The following NRXN3 variants were observed in gnomAD, a reference collection of about 807,000 sequenced individuals.
NRXN3 encodes neurexin 3.
In NRXN3, 32 loss-of-function variants were observed where a neutral mutation model predicts 137.6. The ratio of observed to expected loss-of-function variants is 0.23; its 90% confidence interval spans 0.18 to 0.31. The LOEUF (loss-of-function observed/expected upper bound fraction) is 0.31. Ranked by LOEUF, NRXN3 falls within the 10% of genes least tolerant of loss-of-function variation. The probability of loss-of-function intolerance (pLI) is 1.00; values close to 1 mark genes in which losing one functional copy is unlikely to be tolerated. For synonymous variants in NRXN3, 798 were observed against 784.5 expected (o/e 1.02, Z -0.29); for missense variants, 1,574 against 2,062.5 (o/e 0.76, Z 4.59).
At chr14:79,498,759 AGCTGGTATGTTT>A (rs1445784483) in intron 16 of NRXN3, among the ~76,000 whole-genome samples, 1 of 152,184 alleles carries the variant, frequency 6.6e-6, no homozygotes, top group Non-Finnish European at 1.5e-5. Context: ...AGCACTTTCC[AGCTGGTATGTTT>A]GTTTCCAATC....
intron 10 of NRXN3, among the ~76,000 whole-genome samples, chr14:78,825,282 A>G (rs946865706): frequency 1.3e-5 from 2 of 152,120 alleles, no homozygotes; most frequent in African/African-American, 4.8e-5. Context: ...GTAAGCTTCA[A>G]AAATGATCCT....
rs1432140359 is a variant in NRXN3 at position 78,510,090 on chromosome 14, A to T, written c.758-135030A>T. The stretch of plus-strand genomic sequence containing the variant: ...CAATGCCTAGATGAGTATTAGTAAC[A>T]TACTAGTTGCAAGGGTAGCTTTAGA... On this transcript the variant is annotated intron_variant, in intron 4 of 20. Transcript: ENST00000335750. Among the ~76,000 whole-genome samples the T allele has an allele frequency of 1.3e-5, 2 of 149,796 alleles. 1 individual carries two copies. The highest frequency in any genetic ancestry group is 4.0e-4 in the East Asian group (2 of 4,984).
At chr14:78,329,255 G>C (rs2080490101) in intron 4 of NRXN3, among the ~76,000 whole-genome samples, 1 of 152,138 alleles carries the variant, frequency 6.6e-6, no homozygotes, top group Admixed American at 6.5e-5. Context: ...CCCACTTGCT[G>C]TTTCTAGTTT....
At chr14:78,227,885 G>A (rs750989250) in intron 1 of NRXN3, among the ~76,000 whole-genome samples, 1 of 152,184 alleles carries the variant, frequency 6.6e-6, no homozygotes, top group East Asian at 1.9e-4. Context: ...TCTAGGAGGC[G>A]AGCGTGGGCA....
At chr14:79,389,954 G>A (rs1012293120) in intron 15 of NRXN3, among the ~76,000 whole-genome samples, 1 of 152,132 alleles carries the variant, frequency 6.6e-6, no homozygotes, top group South Asian at 2.1e-4. Context: ...AAAAGATCAG[G>A]GTATAATCAG....
intron 4 of NRXN3, among the ~76,000 whole-genome samples, chr14:78,311,952 T>C (rs1417391468): frequency 3.3e-5 from 5 of 152,186 alleles, no homozygotes; most frequent in Non-Finnish European, 7.3e-5. Context: ...CAGAACATGC[T>C]GAGAGGGCAT....
At chr14:79,435,033 T>C (rs2095822444) in intron 15 of NRXN3, among the ~76,000 whole-genome samples, 1 of 152,140 alleles carries the variant, frequency 6.6e-6, no homozygotes, top group Admixed American at 6.5e-5. Context: ...GAAGGCTGAA[T>C]TCAGTAGCAC....
rs80135384 is a variant in NRXN3 at position 79,329,227 on chromosome 14, G to A, written c.3263-137994G>A. On this transcript the variant is annotated intron_variant, in intron 15 of 20. Transcript: ENST00000335750. ...AAGTCTACCAGAATCTTCTACTCCC[G>A]GGGTATTGTGAGAGCTATAGGGGGT... 1.1e-4 allele frequency among the ~76,000 whole-genome samples: 16 copies of A among 152,226 alleles called. No individual in the cohort carries two copies. The East Asian group carries it at 2.1e-3, about 20-fold the overall frequency.
intron 15 of NRXN3, among the ~76,000 whole-genome samples, chr14:79,107,669 A>C (rs1328940985): frequency 6.6e-6 from 1 of 152,132 alleles, no homozygotes; most frequent in East Asian, 1.9e-4. Flanking sequence ...AGTGCTAACA[A>C]CATTTGCCAG....
intron 15 of NRXN3, among the ~76,000 whole-genome samples, chr14:79,046,142 A>C (rs758153323): frequency 6.6e-6 from 1 of 152,174 alleles, no homozygotes; most frequent in Non-Finnish European, 1.5e-5. Flanking sequence ...GAGTAACATG[A>C]CACCAGTATA....
At chr14:78,986,317 G>A (rs2099504367) in intron 14 of NRXN3, among the ~76,000 whole-genome samples, 1 of 152,138 alleles carries the variant, frequency 6.6e-6, no homozygotes, top group Non-Finnish European at 1.5e-5. Flanking sequence ...AATTCATGGA[G>A]TTATACTGAA....
chr14:79,820,980 G>A (rs987993544), intron 20 of NRXN3, among the ~76,000 whole-genome samples: 4 of 152,110 alleles, frequency 2.6e-5, no homozygotes, highest in African/African-American at 4.8e-5. Context: ...GCCTGGAGAT[G>A]TAAGGTTCTG....
rs369934554 is a variant in NRXN3 at position 79,272,495 on chromosome 14, A to G, written c.3263-194726A>G. ...CATAAATCCAATAGAAATTCTTAAA[A>G]TATTTAGAAGGCATGTTTTCTAGGA... On this transcript the variant is annotated intron_variant, in intron 15 of 20. Transcript: ENST00000335750. Among the ~76,000 whole-genome samples the G allele has an allele frequency of 2.7e-4, 41 of 152,276 alleles. No individual in the cohort carries two copies. The East Asian group carries it at 4.6e-3, about 17-fold the overall frequency.
intron 4 of NRXN3, among the ~76,000 whole-genome samples, chr14:78,320,841 G>C (rs2079250351): frequency 6.6e-6 from 1 of 151,666 alleles, no homozygotes; most frequent in Admixed American, 6.6e-5. Context: ...GCCCTGGCTG[G>C]GTGCGGTGGC....
chr14:78,410,607 T>A (rs1401352714), intron 4 of NRXN3, among the ~76,000 whole-genome samples: 1 of 152,078 alleles, frequency 6.6e-6, no homozygotes, highest in East Asian at 1.9e-4. Flanking sequence ...TATGGGGAGA[T>A]ACGTGGGTGG....
chr14:78,528,608 T>C (rs1036837573), intron 4 of NRXN3, among the ~76,000 whole-genome samples: 1 of 152,096 alleles, frequency 6.6e-6, no homozygotes, highest in African/African-American at 2.4e-5. Flanking sequence ...GAGATTTTGA[T>C]AGATTCAGGA....
At chr14:79,097,108 T>C (rs1302712994) in intron 15 of NRXN3, among the ~76,000 whole-genome samples, 1 of 151,994 alleles carries the variant, frequency 6.6e-6, no homozygotes, top group East Asian at 1.9e-4. Context: ...GTTTTTAGAT[T>C]TTCCTTCTAA....
intron 4 of NRXN3, among the ~76,000 whole-genome samples, chr14:78,341,385 G>A (rs993645003): frequency 6.6e-6 from 1 of 152,170 alleles, no homozygotes; most frequent in Non-Finnish European, 1.5e-5. Flanking sequence ...AATACAATAT[G>A]AGTAACAAGA....
chr14:78,422,033 T>G (rs529695017), intron 4 of NRXN3, among the ~76,000 whole-genome samples: 59 of 152,312 alleles, frequency 3.9e-4, no homozygotes, highest in African/African-American at 1.3e-3. Context: ...AGCCTGAGCT[T>G]CTGAGAGTCT....
Sources: allele counts gnomAD v4.1 joint callset (sites outside exome capture counted in the v4.1 genomes callset), GRCh38; gene constraint gnomAD v4.1.1; transcripts MANE v1.5; gene names NCBI Gene and HGNC (gene_info 2026-07-23, HGNC 2026-07-21).